Variants in DYM observed in about 807,000 individuals in gnomAD.
The protein encoded by DYM is dymeclin.
Under a neutral mutation model 93.1 loss-of-function variants are expected in DYM, and 78 were observed. That is an observed-to-expected ratio of 0.84 (90% CI 0.70 to 1.01). The LOEUF is 1.01. DYM is among the 50% of genes least tolerant of loss of function. DYM has a pLI of 0.00. For synonymous variants in DYM, 321 were observed against 319.7 expected, an observed-to-expected ratio of 1.00 and a Z score of -0.04; for missense variants, 789 against 845.0, an observed-to-expected ratio of 0.93 and a Z score of 0.82.
chr18:49,392,489 C>T (rs1163384818), intron 2 of DYM, among the ~76,000 whole-genome samples: 2 of 151,676 alleles, frequency 1.3e-5, no homozygotes, highest in Admixed American at 6.6e-5. Flanking sequence ...TTTAAAACTC[C>T]TACAACTCAA....
At chr18:49,103,088 A>C (rs1047161392) in intron 16 of DYM, among the ~76,000 whole-genome samples, 1 of 152,080 alleles carries the variant, frequency 6.6e-6, no homozygotes, top group Non-Finnish European at 1.5e-5. Context: ...TTGTTTCCTG[A>C]CTTTTTAATG....
At chr18:49,419,051 C>T (rs2148310735) in intron 2 of DYM, among the ~76,000 whole-genome samples, 1 of 152,224 alleles carries the variant, frequency 6.6e-6, no homozygotes, top group East Asian at 1.9e-4. Context: ...TCTCTTAAAT[C>T]ACCTGGGTGA....
At position 49,355,640 on chromosome 18, in the gene DYM, G is replaced by T. The variant is rs189387033; in HGVS notation, c.494+7521C>A. On this transcript the variant is annotated intron_variant, in intron 6 of 17. Transcript: ENST00000675505. ...ATAACAAATGTATTCCTCTGCTGAG[G>T]GACACTGACGGTGCAGAAGGCTATA... Among the ~76,000 whole-genome samples, 9 of 152,226 alleles carry T rather than the reference G, an allele frequency of 5.9e-5. No individual in the cohort carries two copies. In the East Asian group the frequency reaches 1.7e-3, roughly 29 times the overall value.
intron 13 of DYM, among the ~76,000 whole-genome samples, chr18:49,225,063 T>G (rs1598751466): frequency 6.6e-6 from 1 of 152,120 alleles, no homozygotes; most frequent in East Asian, 1.9e-4. Flanking sequence ...TTCTTTTCAT[T>G]AGTAACATTA....
intron 13 of DYM, among the ~76,000 whole-genome samples, chr18:49,233,873 T>A (rs1429066075): frequency 2.6e-5 from 4 of 152,104 alleles, no homozygotes; most frequent in Non-Finnish European, 5.9e-5. Flanking sequence ...ACACCTGTAA[T>A]CCCAGCACTT....
chr18:49,099,961 G>A (rs1043900112), intron 16 of DYM, among the ~76,000 whole-genome samples: 5 of 152,110 alleles, frequency 3.3e-5, no homozygotes, highest in Admixed American at 6.6e-5. Flanking sequence ...GGGGAAACAC[G>A]CTATTTCGTG....
intron 15 of DYM, among the ~76,000 whole-genome samples, chr18:49,152,698 A>G (rs1568504244): frequency 6.6e-6 from 1 of 152,208 alleles, no homozygotes; most frequent in African/African-American, 2.4e-5. Context: ...ATTATTAACT[A>G]CAGCTAAGAT....
chr18:49,054,885 G>A (rs2075341069), intron 17 of DYM, among the ~76,000 whole-genome samples: 2 of 152,228 alleles, frequency 1.3e-5, no homozygotes, highest in Admixed American at 1.3e-4. Context: ...AGGATATAAA[G>A]TGGAGCCCCA....
chr18:49,361,012 C>G (rs768880817), intron 6 of DYM, among the ~76,000 whole-genome samples: 2 of 152,234 alleles, frequency 1.3e-5, no homozygotes, highest in African/African-American at 2.4e-5. Context: ...TCTGCAAGTT[C>G]ATGACTTCTG....
At chr18:49,398,462 A>AG (rs1250911607) in intron 2 of DYM, among the ~76,000 whole-genome samples, 13 of 152,348 alleles carry the variant, frequency 8.5e-5, no homozygotes, top group South Asian at 6.2e-4. Flanking sequence ...ATGGAAAGAC[A>AG]GGCTTTCCAT....
chr18:49,438,274 C>G (rs2081031896), intron 1 of DYM, among the ~76,000 whole-genome samples: 1 of 152,094 alleles, frequency 6.6e-6, no homozygotes, highest in Middle Eastern at 3.2e-3. Flanking sequence ...AGACACTGAA[C>G]AGAATGTTAA....
At chr18:49,370,744 G>T (rs1482233102) in intron 5 of DYM, among the ~76,000 whole-genome samples, 1 of 152,218 alleles carries the variant, frequency 6.6e-6, no homozygotes, top group Non-Finnish European at 1.5e-5. Flanking sequence ...TCCAGCCTGG[G>T]AAAGAGAGCA....
At chr18:49,281,814 CA>C (rs1411136866) in intron 10 of DYM, among the ~76,000 whole-genome samples, 182 bp downstream of exon 10, 5 of 151,910 alleles carry the variant, frequency 3.3e-5, no homozygotes, top group South Asian at 2.1e-4. Flanking sequence ...GGAGTGGGGG[CA>C]GGGGGAAGGG....
intron 14 of DYM, among the ~76,000 whole-genome samples, chr18:49,170,291 G>A (rs1447357269): frequency 2.6e-5 from 4 of 152,138 alleles, no homozygotes; most frequent in Non-Finnish European, 4.4e-5. Flanking sequence ...TAGAATCTGT[G>A]CTCTTAACAA....
At chr18:49,401,183 C>T (rs1249037445) in intron 2 of DYM, among the ~76,000 whole-genome samples, 7 of 152,228 alleles carry the variant, frequency 4.6e-5, no homozygotes, top group African/African-American at 1.7e-4. Context: ...TGAAAACTGT[C>T]AATAGTGGGA....
At chr18:49,160,904 T>C (rs2087023021) in intron 15 of DYM, among the ~76,000 whole-genome samples, 1 of 152,150 alleles carries the variant, frequency 6.6e-6, no homozygotes, top group African/African-American at 2.4e-5. Flanking sequence ...ATTTTTAAGG[T>C]TACTGCTGTT....
Position 49,365,694 on chromosome 18 carries a change from G to C in DYM, c.422-2461C>G, listed in dbSNP as rs921391251. ...CCCTAAGAAACATTTCAGACCAAAT[G>C]CCAGTTTAATAACATCCCTGTTCAG... On this transcript the variant is annotated intron_variant, in intron 5 of 17. Transcript: ENST00000675505. 2.6e-5 allele frequency among the ~76,000 whole-genome samples: 4 copies of C among 152,248 alleles called. No individual in the cohort carries two copies. In the East Asian group the frequency reaches 7.7e-4, roughly 29 times the overall value.
At chr18:49,175,306 G>A (rs1422055564) in intron 14 of DYM, among the ~76,000 whole-genome samples, 3 of 152,130 alleles carry the variant, frequency 2.0e-5, no homozygotes, top group African/African-American at 4.8e-5. Context: ...CTGCAATGAC[G>A]TCGGTATTCT....
At chr18:49,401,035 G>C (rs1188665722) in intron 2 of DYM, among the ~76,000 whole-genome samples, 1 of 152,142 alleles carries the variant, frequency 6.6e-6, no homozygotes, top group Non-Finnish European at 1.5e-5. Flanking sequence ...GTTTCTGAAG[G>C]CAGATTTGGG....
Sources: gnomAD v4.1 joint callset for allele counts (sites outside exome capture counted in the v4.1 genomes callset) on GRCh38, gnomAD v4.1.1 for gene constraint, MANE v1.5 for transcripts, NCBI Gene and HGNC (gene_info 2026-07-23, HGNC 2026-07-21) for gene names.